EFR3A: variants seen among roughly 807,000 people sequenced by gnomAD.
The protein encoded by EFR3A is protein EFR3 homolog A.
Under a neutral mutation model 104.4 loss-of-function variants are expected in EFR3A, and 76 were observed. The observed-to-expected ratio is 0.73, with a 90% CI of 0.60 to 0.88. The LOEUF (loss-of-function observed/expected upper bound fraction) is 0.88. Ranked by LOEUF, EFR3A falls within the 40% of genes least tolerant of loss-of-function variation. EFR3A has a pLI of 0.00. For synonymous variants in EFR3A, 330 were observed against 330.0 expected (o/e 1.00, Z 0.00); for missense variants, 985 against 1,012.5 (o/e 0.97, Z 0.37).
At chr8:131,934,899 G>T (rs879756757) in intron 1 of EFR3A, among the ~76,000 whole-genome samples, 9 of 152,092 alleles carry the variant, frequency 5.9e-5, no homozygotes, top group Non-Finnish European at 1.3e-4. Context: ...AAATATTTTT[G>T]ATTGTATGAA....
chr8:131,946,683 G>A lies in EFR3A; in HGVS notation c.366+50G>A, dbSNP rs201329797. 286 of 1,425,078 alleles carry A rather than the reference G, an allele frequency of 2.0e-4. No individual in the cohort carries two copies. The African/African-American group carries it at 3.9e-3, about 20-fold the overall frequency. The allele number at this position is 1,425,078 out of a possible 1,614,324, so 88.3% of individuals were successfully genotyped here. A position where few individuals can be genotyped will look rare whatever the true frequency, so the allele number is the denominator to read the frequency against. ...AATGTATGCTTAATTAGCATATCTAGAATTAATTACTTCTTAGAATGACTT... is the reference window on the plus strand; with the variant it reads ...AATGTATGCTTAATTAGCATATCTAAAATTAATTACTTCTTAGAATGACTT... On this transcript the variant is annotated intron_variant, in intron 4 of 22. Coordinates refer to ENST00000254624, the MANE Select transcript of EFR3A (RefSeq NM_015137.6).
chr8:131,977,968 T>G (rs943865587), intron 12 of EFR3A, among the ~76,000 whole-genome samples: 1 of 152,184 alleles, frequency 6.6e-6, no homozygotes, highest in South Asian at 2.1e-4. Context: ...CATTTAGAAC[T>G]TTAATCTGAA....
rs66644698 is a variant in EFR3A at position 132,010,407 on chromosome 8, GATATATATAT to G, written c.2361-349_2361-340del. ...GTTCTCTGGATTAAATCAAGTATGAGATATATATATATATATATATATATATATATATATA... is the reference window on the plus strand; with the variant it reads ...GTTCTCTGGATTAAATCAAGTATGAGATATATATATATATATATATATATA... On this transcript the variant is annotated intron_variant, in intron 22 of 22. Transcript: ENST00000254624. Among the ~76,000 whole-genome samples the G allele has an allele frequency of 6.4e-3, 525 of 81,856 alleles. 8 individuals carry two copies. The highest frequency in any genetic ancestry group is 0.021 in the African/African-American group (420 of 20,368). The allele number at this position is 81,856 out of a possible 152,430, so 53.7% of individuals were successfully genotyped here.
chr8:131,987,571 G>T lies in EFR3A; in HGVS notation c.1938-4G>T. ...AATGATTGTTGTTTTGATGAACTTC[G>T]CAGGCTTCCAAAATCTTTAGAGAAG... On this transcript the variant is annotated splice_region_variant and splice_polypyrimidine_tract_variant and intron_variant, in intron 17 of 22. Transcript: ENST00000254624. The T allele has an allele frequency of 6.3e-7, 1 of 1,587,920 alleles. No homozygotes were observed. Among genetic ancestry groups the T allele is most frequent in the Non-Finnish European group, 8.6e-7 (1 of 1,167,216 alleles).
intron 2 of EFR3A, among the ~76,000 whole-genome samples, chr8:131,942,816 A>G (rs531515664): frequency 1.3e-5 from 2 of 152,172 alleles, no homozygotes; most frequent in South Asian, 4.1e-4. Flanking sequence ...ATCCAGGTGA[A>G]CTGGAGAAGG....
At chr8:131,965,679 A>G (rs1329214531) in intron 8 of EFR3A, among the ~76,000 whole-genome samples, 1 of 152,126 alleles carries the variant, frequency 6.6e-6, no homozygotes, top group East Asian at 1.9e-4. Flanking sequence ...TAGAACTAGA[A>G]ATACCATTTG....
chr8:131,941,052 A>G (rs1293903933), intron 2 of EFR3A, among the ~76,000 whole-genome samples: 2 of 152,192 alleles, frequency 1.3e-5, no homozygotes, highest in African/African-American at 2.4e-5. Flanking sequence ...TAGGAGTGAT[A>G]CCCAATTTGG....
intron 8 of EFR3A, among the ~76,000 whole-genome samples, chr8:131,963,950 A>C (rs1819548549): frequency 6.6e-6 from 1 of 152,206 alleles, no homozygotes; most frequent in African/African-American, 2.4e-5. Context: ...CCAGCATATA[A>C]ACAGAACCAA....
chr8:131,932,430 T>A (rs1817656383), intron 1 of EFR3A, among the ~76,000 whole-genome samples: 1 of 152,132 alleles, frequency 6.6e-6, no homozygotes, highest in Non-Finnish European at 1.5e-5. Context: ...TCCATGAATA[T>A]TTATTCAGGT....
In EFR3A at chr8:131,987,214, A is replaced by AT. The variant is rs921707110; in HGVS notation, c.1938-351dup. 2.1e-3 allele frequency among the ~76,000 whole-genome samples: 308 copies of AT among 150,244 alleles called. 2 individuals carry two copies. The highest frequency in any genetic ancestry group is 6.6e-3 in the African/African-American group (272 of 41,038). On this transcript the variant is annotated intron_variant, in intron 17 of 22. Coordinates refer to ENST00000254624, the MANE Select transcript of EFR3A (RefSeq NM_015137.6). ...TTCATTAACAATCAGTGGGCTAATG[A>AT]TTTTTTTTTTATTTTGTCTCTCAGT...
At chr8:132,009,436 T>C (rs1822212558) in intron 22 of EFR3A, among the ~76,000 whole-genome samples, 1 of 151,996 alleles carries the variant, frequency 6.6e-6, no homozygotes, top group Non-Finnish European at 1.5e-5. Flanking sequence ...GTCAGGAAAA[T>C]GCTGTAGAAA....
At chr8:131,928,215 G>A (rs769884652) in intron 1 of EFR3A, among the ~76,000 whole-genome samples, 10 of 151,498 alleles carry the variant, frequency 6.6e-5, no homozygotes, top group Admixed American at 2.6e-4. Flanking sequence ...TGCTTCAAAT[G>A]TGGAACTTCT....
intron 18 of EFR3A, among the ~76,000 whole-genome samples, chr8:131,992,769 G>T (rs1821258766): frequency 6.6e-6 from 1 of 152,098 alleles, no homozygotes; most frequent in African/African-American, 2.4e-5. Context: ...TAGAAAACAG[G>T]CATCTTTGAG....
intron 5 of EFR3A, among the ~76,000 whole-genome samples, chr8:131,952,190 C>T (rs1307562599): frequency 1.3e-5 from 2 of 152,092 alleles, no homozygotes; most frequent in Admixed American, 1.3e-4. Flanking sequence ...TGGTTAGCAA[C>T]AAACAGGAAC....
At chr8:131,956,622 T>C (rs769682167) in intron 7 of EFR3A, among the ~76,000 whole-genome samples, 83 of 152,202 alleles carry the variant, frequency 5.5e-4, no homozygotes, top group Non-Finnish European at 5.1e-4. Flanking sequence ...CTTTATAGAA[T>C]ATGTATGATA....
chr8:131,992,342 C>T (rs566184436), intron 18 of EFR3A, among the ~76,000 whole-genome samples: 176 of 152,278 alleles, frequency 1.2e-3, no homozygotes, highest in African/African-American at 4.1e-3. Flanking sequence ...AAAATATTCT[C>T]ATCCTGAAAA....
intron 20 of EFR3A, 77 bp downstream of exon 20, chr8:132,001,884 CGTA>C: frequency 8.3e-7 from 1 of 1,209,254 alleles, no homozygotes; most frequent in Non-Finnish European, 1.2e-6. Context: ...TGACAGAATA[CGTA>C]GAGGGGACAT....
chr8:131,975,437 A>G (rs1352013458), intron 10 of EFR3A, among the ~76,000 whole-genome samples: 1 of 90,984 alleles, frequency 1.1e-5, no homozygotes, highest in Non-Finnish European at 2.1e-5. Flanking sequence ...TTTTTTGGAG[A>G]CAGAGTTTTG....
chr8:131,950,119 A>G, intron 5 of EFR3A, 29 bp downstream of exon 5: 2 of 1,560,674 alleles, frequency 1.3e-6, no homozygotes, highest in East Asian at 2.4e-5. Flanking sequence ...TATGATCTAT[A>G]GTAAGTAATT....
Sources: gnomAD v4.1 joint callset for allele counts (sites outside exome capture counted in the v4.1 genomes callset) on GRCh38, gnomAD v4.1.1 for gene constraint, MANE v1.5 for transcripts, NCBI Gene and HGNC (gene_info 2026-07-23, HGNC 2026-07-21) for gene names.